Variants in FGFRL1 observed in about 807,000 individuals in gnomAD.
FGFRL1 encodes fibroblast growth factor receptor-like 1.
FGFRL1 carries 24 observed loss-of-function variants against 36.8 expected under a neutral mutation model. The observed-to-expected ratio is 0.65, with a 90% confidence interval of 0.47 to 0.92. The LOEUF is 0.92. FGFRL1 is among the 40% of genes least tolerant of loss of function. FGFRL1 has a pLI of 0.00. For missense variants in FGFRL1, 785 were observed against 753.4 expected (o/e 1.04, Z -0.49); for synonymous variants, 422 against 344.1 (o/e 1.23, Z -2.50).
chr4:1,017,660 A>C (rs1715961191), intron 2 of FGFRL1, among the ~76,000 whole-genome samples: 1 of 152,178 alleles, frequency 6.6e-6, no homozygotes, highest in Admixed American at 6.5e-5. Flanking sequence ...GTTTCCAGCC[A>C]GTGTCCTGGT....
rs1319355939 is a variant in FGFRL1, at chr4:1,022,485, T to C, written c.352+10T>C. The C allele has an allele frequency of 1.3e-6, 2 of 1,584,892 alleles. No homozygotes were observed. The highest frequency in any genetic ancestry group is 8.6e-7 in the Non-Finnish European group (1 of 1,163,962). On this transcript the variant is annotated intron_variant, in intron 3 of 6. Transcript: ENST00000510644. Reference sequence around the variant, plus strand: ...ACCCTCGTCGTGCTGGGTTAGTCGCTGCTGCGGTCAGAGGTCATGGGCTGG... The same window carrying C: ...ACCCTCGTCGTGCTGGGTTAGTCGCCGCTGCGGTCAGAGGTCATGGGCTGG...
chr4:1,026,219 A>ACACACGTGCAGATATGCTGTCCGGATT lies in FGFRL1; in HGVS notation c.*878_*879insTGCAGATATGCTGTCCGGATTCACACG, dbSNP rs1491199686. On this transcript the variant is annotated 3_prime_UTR_variant, in exon 7 of 7. Transcript: ENST00000510644. Reference sequence around the variant, plus strand: ...ACACGTGCAGATATGCTGTCCGGATACACACGCACGCACACATGCAGATAT... The same window carrying ACACACGTGCAGATATGCTGTCCGGATT: ...ACACGTGCAGATATGCTGTCCGGATACACACGTGCAGATATGCTGTCCGGATTCACACGCACGCACACATGCAGATAT... 6.5e-6 allele frequency: 1 copy of ACACACGTGCAGATATGCTGTCCGGATT among 154,502 alleles called. No homozygotes were observed. Among genetic ancestry groups the ACACACGTGCAGATATGCTGTCCGGATT allele is most frequent in the East Asian group, 2.0e-4 (1 of 5,098 alleles). The allele number at this position is 154,502 out of a possible 1,614,324, so 9.6% of individuals were successfully genotyped here.
chr4:1,025,333 C>G lies in FGFRL1; in HGVS notation c.1501C>G (p.His501Asp). The change falls in exon 7 of 7, where the codon CAC becomes GAC. Residue 501 changes from histidine (H) to aspartate (D), a missense_variant. Coordinates refer to ENST00000510644, the MANE Select transcript of FGFRL1 (RefSeq NM_001004356.3). The part of the protein sequence containing the change: ...HVEGKVHQHI[H>D]YQC ...GGAGGGCAAGGTCCACCAGCACATC[C>G]ACTATCAGTGCTAGACGGCACCGTA... is the stretch of plus-strand genomic sequence containing the variant. 4.5e-6 allele frequency: 7 copies of G among 1,554,444 alleles called. No individual in the cohort carries two copies. The highest frequency in any genetic ancestry group is 6.1e-6 in the Non-Finnish European group (7 of 1,148,760).
In FGFRL1 at chr4:1,025,741, A is replaced by G. The variant is rs1301192282; in HGVS notation, c.*394A>G. 21 of 301,824 alleles carry G rather than the reference A, an allele frequency of 7.0e-5. 1 individual carries two copies. In the South Asian group the frequency reaches 8.5e-4, roughly 12 times the overall value. The allele number at this position is 301,824 out of a possible 1,614,324, so 18.7% of individuals were successfully genotyped here. ...ATGTGCTGCCTGGACACACACACAC[A>G]CACGGATATGCTGTCTGGACGCACA... On this transcript the variant is annotated 3_prime_UTR_variant, in exon 7 of 7. Coordinates refer to ENST00000510644, the MANE Select transcript of FGFRL1 (RefSeq NM_001004356.3).
chr4:1,022,266 G>A lies in FGFRL1; in HGVS notation c.143G>A (p.Arg48Gln), dbSNP rs375489366. The stretch of plus-strand genomic sequence containing the variant: ...GTGGCCCGGCTGGGCCGCACTGTGC[G>A]GCTGCAGTGCCCAGTGGAGGGGGAC... ...RQVARLGRTV[R>Q]LQCPVEGDPP... is the part of the protein sequence containing the mutation. The change falls in exon 3 of 7, where the codon CGG (arginine) becomes CAG (glutamine). Residue 48 changes from arginine (R) to glutamine (Q), a missense_variant. Physicochemically the swap from Arg to Gln is conservative, Grantham distance 43. Coordinates refer to ENST00000510644, the MANE Select transcript of FGFRL1 (RefSeq NM_001004356.3). 1.8e-5 allele frequency: 29 copies of A among 1,589,718 alleles called. No homozygotes were observed. The highest frequency in any genetic ancestry group is 2.3e-5 in the South Asian group (2 of 88,466).
chr4:1,017,155 T>C (rs909264555), intron 2 of FGFRL1, among the ~76,000 whole-genome samples: 2 of 152,168 alleles, frequency 1.3e-5, no homozygotes, highest in African/African-American at 4.8e-5. Flanking sequence ...CCAGGAGGAC[T>C]TGGGGCCTGG....
At chr4:1,021,678 C>T (rs554259599) in intron 2 of FGFRL1, among the ~76,000 whole-genome samples, 60 of 152,270 alleles carry the variant, frequency 3.9e-4, no homozygotes, top group African/African-American at 1.1e-3. Flanking sequence ...TGCCCAGGCC[C>T]GGCTGGGCCC....
Position 1,025,715 on chromosome 4 carries a change from G to C in FGFRL1, c.*368G>C, listed in dbSNP as rs1259058531. 1.3e-5 allele frequency: 4 copies of C among 311,804 alleles called. No homozygotes were observed. Among genetic ancestry groups the C allele is most frequent in the South Asian group, 4.3e-5 (1 of 23,224 alleles). The allele number at this position is 311,804 out of a possible 1,614,324, so 19.3% of individuals were successfully genotyped here. The stretch of plus-strand genomic sequence containing the variant: ...ACATACACACGCACACCCATGCGCA[G>C]ATGTGCTGCCTGGACACACACACAC... On this transcript the variant is annotated 3_prime_UTR_variant, in exon 7 of 7. Coordinates refer to ENST00000510644, the MANE Select transcript of FGFRL1 (RefSeq NM_001004356.3).
chr4:1,025,073 T>C lies in FGFRL1; in HGVS notation c.1241T>C (p.Leu414Pro). 1 of 1,609,834 alleles carries C rather than the reference T, an allele frequency of 6.2e-7. No homozygotes were observed. Among genetic ancestry groups the C allele is most frequent in the South Asian group, 1.1e-5 (1 of 90,906 alleles). The change falls in exon 7 of 7, where the codon CTG becomes CCG. Residue 414 changes from leucine (L) to proline (P), a missense_variant. Leu to Pro is a moderately conservative substitution (Grantham distance 98). Coordinates refer to ENST00000510644, the MANE Select transcript of FGFRL1 (RefSeq NM_001004356.3). ...KPCTPAPAPPLPGHRPPGTAR... is the reference protein window; with the variant it reads ...KPCTPAPAPPPPGHRPPGTAR... ...TGCACCCCCGCGCCTGCCCCTCCCC[T>C]GCCTGGGCACCGCCCGCCGGGGACG...
chr4:1,012,280 A>G (rs774046429), intron 1 of FGFRL1, 190 bp from the exon 2 acceptor site: 69 of 507,380 alleles, frequency 1.4e-4, no homozygotes, highest in Non-Finnish European at 2.1e-4. Context: ...GGAGCCCGGT[A>G]ATTAGTGTAA....
At position 1,023,569 on chromosome 4, in the gene FGFRL1, C is replaced by T. The variant is rs1185691508; in HGVS notation, c.353-72C>T. ...GGCTGGGGCTGGGGGAGCTAGAGGCCACGGGGGAGTTGGGGGAGCTCCTCA... is the reference window on the plus strand; with the variant it reads ...GGCTGGGGCTGGGGGAGCTAGAGGCTACGGGGGAGTTGGGGGAGCTCCTCA... On this transcript the variant is annotated intron_variant, in intron 3 of 6. Transcript: ENST00000510644. This position sits in a 1 kb window ranked among gnomAD's most constrained non-coding sequence, Gnocchi z 6.0. 1.5e-5 allele frequency: 21 copies of T among 1,416,542 alleles called. No individual in the cohort carries two copies. Among genetic ancestry groups the T allele is most frequent in the Non-Finnish European group, 1.8e-5 (18 of 1,026,710 alleles). The allele number at this position is 1,416,542 out of a possible 1,614,324, so 87.7% of individuals were successfully genotyped here. A position where few individuals can be genotyped will look rare whatever the true frequency, so the allele number is the denominator to read the frequency against.
rs1374134361 is a variant in FGFRL1 at position 1,025,085 on chromosome 4, G to T, written c.1253G>T (p.Arg418Leu). 5 of 1,609,618 alleles carry T rather than the reference G, an allele frequency of 3.1e-6. No homozygotes were observed. Among genetic ancestry groups the T allele is most frequent in the Non-Finnish European group, 3.4e-6 (4 of 1,178,382 alleles). ...CCTGCCCCTCCCCTGCCTGGGCACC[G>T]CCCGCCGGGGACGGCCCGCGACCGC... The part of the protein sequence containing the change: ...PAPAPPLPGH[R>L]PPGTARDRSG... The change falls in exon 7 of 7, where the codon CGC becomes CTC. Residue 418 changes from arginine to leucine, a missense_variant. Arg to Leu is a moderately radical substitution (Grantham distance 102). Coordinates refer to ENST00000510644, the MANE Select transcript of FGFRL1 (RefSeq NM_001004356.3).
At position 1,025,033 on chromosome 4, in the gene FGFRL1, G is replaced by C. The variant is rs746661915; in HGVS notation, c.1201G>C (p.Ala401Pro). ...CACCCTGCTCCTGTGGCTTTGCCAG[G>C]CCCAGAAGAAGCCGTGCACCCCCGC... ...LGTLLLWLCQ[A>P]QKKPCTPAPA... Residue 401 changes from alanine (A) to proline (P), a missense_variant, in exon 7 of 7, where the codon GCC becomes CCC. Physicochemically the swap from Ala to Pro is conservative, Grantham distance 27 (BLOSUM62 -1). Transcript: ENST00000510644. 1 of 1,610,920 alleles carries C rather than the reference G, an allele frequency of 6.2e-7. No individual in the cohort carries two copies. Among genetic ancestry groups the C allele is most frequent in the East Asian group, 2.2e-5 (1 of 44,850 alleles).
chr4:1,024,453 C>T lies in FGFRL1; in HGVS notation c.861C>T (p.Gly287=), dbSNP rs762124519. 4.3e-6 allele frequency: 7 copies of T among 1,612,224 alleles called. No homozygotes were observed. The highest frequency in any genetic ancestry group is 5.1e-6 in the Non-Finnish European group (6 of 1,179,710). The change falls in exon 6 of 7, where the codon GGC becomes GGT. Residue 287 remains glycine (G), a synonymous_variant. Coordinates refer to ENST00000510644, the MANE Select transcript of FGFRL1 (RefSeq NM_001004356.3). ...VIQWLKRVEY[G]AEGRHNSTID... ...AGTGGCTGAAGCGCGTGGAGTACGG[C>T]GCCGAGGGCCGCCACAACTCCACCA...
In FGFRL1 at chr4:1,025,030, C is replaced by G; in HGVS notation, c.1198C>G (p.Gln400Glu). 6.2e-7 allele frequency: 1 copy of G among 1,611,110 alleles called. No individual in the cohort carries two copies. Among genetic ancestry groups the G allele is most frequent in the Non-Finnish European group, 8.5e-7 (1 of 1,179,590 alleles). The change falls in exon 7 of 7, where the codon CAG (glutamine) becomes GAG (glutamate). Residue 400 changes from glutamine to glutamate, a missense_variant. Gln to Glu is a conservative substitution (Grantham distance 29). Coordinates refer to ENST00000510644, the MANE Select transcript of FGFRL1 (RefSeq NM_001004356.3). ...GGGCACCCTGCTCCTGTGGCTTTGC[C>G]AGGCCCAGAAGAAGCCGTGCACCCC... is the stretch of plus-strand genomic sequence containing the variant. ...ILGTLLLWLC[Q>E]AQKKPCTPAP...
At position 1,013,709 on chromosome 4, in the gene FGFRL1, C is replaced by G. The variant is rs140144300; in HGVS notation, c.79+1145C>G. 4.2e-3 allele frequency among the ~76,000 whole-genome samples: 642 copies of G among 152,408 alleles called. 5 individuals carry two copies. Among genetic ancestry groups the G allele is most frequent in the African/African-American group, 0.015 (607 of 41,604 alleles). ...CTCCCCAATCCCTACACCTGCCTGT[C>G]CTCTGGCCACTCGGCCAGGGAGGCT... On this transcript the variant is annotated intron_variant, in intron 2 of 6. Transcript: ENST00000510644.
At position 1,018,359 on chromosome 4, in the gene FGFRL1, G is replaced by C. The variant is rs185573813; in HGVS notation, c.80-3844G>C. Among the ~76,000 whole-genome samples the C allele has an allele frequency of 2.1e-3, 310 of 145,112 alleles. 2 individuals are homozygous for C. The highest frequency in any genetic ancestry group is 8.5e-3 in the African/African-American group (299 of 35,244). On this transcript the variant is annotated intron_variant, in intron 2 of 6. Transcript: ENST00000510644. Reference sequence around the variant, plus strand: ...GTGTTTTTTACAGCTGGGCAGGGGTGGGGGGGGCGGCGGGAGGATTTGGAG... The same window carrying C: ...GTGTTTTTTACAGCTGGGCAGGGGTCGGGGGGGCGGCGGGAGGATTTGGAG...
At position 1,025,262 on chromosome 4, in the gene FGFRL1, A is replaced by T; in HGVS notation, c.1430A>T (p.Asp477Val). The change falls in exon 7 of 7, where the codon GAC (aspartate) becomes GTC (valine). Residue 477 changes from aspartate (D) to valine (V), a missense_variant. Coordinates refer to ENST00000510644, the MANE Select transcript of FGFRL1 (RefSeq NM_001004356.3). ...AAGTTGTACCCCAAACTCTACACAG[A>T]CATCCACACACACACACACACACAC... ...GPKLYPKLYT[D>V]IHTHTHTHSH... is the part of the protein sequence containing the mutation. The T allele has an allele frequency of 1.9e-6, 3 of 1,599,742 alleles. No homozygotes were observed. Among genetic ancestry groups the T allele is most frequent in the Non-Finnish European group, 2.6e-6 (3 of 1,173,358 alleles).
intron 1 of FGFRL1, 102 bp from the exon 2 acceptor site, chr4:1,012,368 T>A (rs1450289242): frequency 5.8e-6 from 8 of 1,381,418 alleles, no homozygotes; most frequent in Non-Finnish European, 6.8e-6. Context: ...GGGGAGGGCC[T>A]GTGGGGAGGG....
Sources: allele counts gnomAD v4.1 joint callset (sites outside exome capture counted in the v4.1 genomes callset), GRCh38; gene constraint gnomAD v4.1.1; non-coding constraint Gnocchi (gnomAD v3.1); transcripts MANE v1.5; gene names NCBI Gene and HGNC (gene_info 2026-07-23, HGNC 2026-07-21).